Variants in HSP90AA1 observed in about 807,000 individuals in gnomAD.
The protein encoded by HSP90AA1 is heat shock protein 90 alpha family class A member 1, also known as heat shock protein HSP 90-alpha.
Under a neutral mutation model 73.3 loss-of-function variants are expected in HSP90AA1, and 18 were observed. The ratio of observed to expected loss-of-function variants is 0.25; its 90% confidence interval spans 0.17 to 0.36. The LOEUF (loss-of-function observed/expected upper bound fraction) is 0.36, where lower values mean the gene tolerates loss of function less well. HSP90AA1 is among the 10% of genes least tolerant of loss of function. HSP90AA1 has a pLI of 1.00. For missense variants in HSP90AA1, 704 were observed against 874.2 expected (o/e 0.81, Z 2.45); for synonymous variants, 477 against 296.9 (o/e 1.61, Z -6.24).
chr14:102,112,002 C>G (rs1248922200), intron 1 of HSP90AA1, among the ~76,000 whole-genome samples: 1 of 152,134 alleles, frequency 6.6e-6, no homozygotes, highest in Non-Finnish European at 1.5e-5. Context: ...AGTGATGTAC[C>G]TTGGTATAGA....
intron 1 of HSP90AA1, among the ~76,000 whole-genome samples, chr14:102,110,683 C>T (rs1033398594): frequency 6.7e-6 from 1 of 149,260 alleles, no homozygotes; most frequent in African/African-American, 2.4e-5. Flanking sequence ...GGGTTCACGC[C>T]ATTCTCCTGC....
chr14:102,084,474 TTTTC>T lies in HSP90AA1; in HGVS notation c.1068_1071del (p.Lys357ArgfsTer20), dbSNP rs760842848. The T allele has an allele frequency of 4.3e-6, 7 of 1,613,988 alleles. No homozygotes were observed. The highest frequency in any genetic ancestry group is 1.1e-5 in the South Asian group (1 of 91,074). ...CGTACATACAATTTGATGTTGTTCT[TTTTC>T]TTTCTGTTTTCAAACAGATCAAAAG... On this transcript the variant is annotated frameshift_variant, in exon 6 of 11. Transcript: ENST00000216281. LOFTEE classifies it high-confidence loss of function.
upstream of HSP90AA1, chr14:102,087,050 G>C (rs556338621): frequency 3.0e-6 from 3 of 985,336 alleles, no homozygotes; most frequent in Middle Eastern, 1.0e-3. Context: ...CAACTGACGC[G>C]CCACCCCCGC....
Position 102,080,790 on chromosome 14 carries a change from A to G in HSP90AA1, c.*922T>C. 4.5e-6 allele frequency: 1 copy of G among 221,712 alleles called. No individual in the cohort carries two copies. Among genetic ancestry groups the G allele is most frequent in the Non-Finnish European group, 9.0e-6 (1 of 110,690 alleles). The allele number at this position is 221,712 out of a possible 1,614,324, so 13.7% of individuals were successfully genotyped here. ...TTAACACAGAAGGTATTCCATGAAT[A>G]ACATCAAAACAACGTGGACACTAAG... On this transcript the variant is annotated 3_prime_UTR_variant, in exon 11 of 11. Transcript: ENST00000216281.
At chr14:102,085,048 C>T (rs769099127) in intron 4 of HSP90AA1, 50 bp from the exon 5 acceptor site, 2 of 1,613,670 alleles carry the variant, frequency 1.2e-6, no homozygotes, top group Non-Finnish European at 1.7e-6. Context: ...CAGAACTAAG[C>T]GACAGCGCTG....
chr14:102,084,667 C>G lies in HSP90AA1; in HGVS notation c.981+14G>C, dbSNP rs1162381869. ...AATCTAAGGACAAGCTTGAAGCACC[C>G]ATCAGTCACTCACCTTCACTGCCAA... On this transcript the variant is annotated intron_variant, in intron 5 of 10. Transcript: ENST00000216281. The G allele has an allele frequency of 5.0e-6, 8 of 1,613,776 alleles. No homozygotes were observed. The highest frequency in any genetic ancestry group is 4.0e-5 in the African/African-American group (3 of 74,890).
chr14:102,117,372 AC>A (rs1186257707), intron 1 of HSP90AA1, among the ~76,000 whole-genome samples: 4 of 151,954 alleles, frequency 2.6e-5, no homozygotes, highest in African/African-American at 9.7e-5. Context: ...ACTTATGGCC[AC>A]CCATGGACCA....
In HSP90AA1 at chr14:102,083,806, G is replaced by C. The variant is rs767150173; in HGVS notation, c.1325C>G (p.Ser442Cys). 2.5e-6 allele frequency: 4 copies of C among 1,611,002 alleles called. No individual in the cohort carries two copies. In the Admixed American group the frequency reaches 5.0e-5, roughly 20 times the overall value. The change falls in exon 7 of 11, where the codon TCT (serine) becomes TGT (cysteine). Residue 442 changes from serine to cysteine, a missense_variant. Ser to Cys is a moderately radical substitution (Grantham distance 112). Coordinates refer to ENST00000216281, the MANE Select transcript of HSP90AA1 (RefSeq NM_005348.4). ...ATTTACACCAACCTTTATGTTTTTA[G>C]AGAACTGCTCATAGAATTTCTTGTA... ...ENYKKFYEQF[S>C]KNIKLGIHED...
chr14:102,084,292 C>T (rs2049169637), intron 6 of HSP90AA1, 107 bp downstream of exon 6: 3 of 1,039,496 alleles, frequency 2.9e-6, no homozygotes, highest in African/African-American at 3.1e-5. Flanking sequence ...GTGATCTGCC[C>T]ACCCCGGCCT....
At chr14:102,113,685 A>T (rs1018614828) in intron 1 of HSP90AA1, among the ~76,000 whole-genome samples, 1 of 150,468 alleles carries the variant, frequency 6.6e-6, no homozygotes, top group Non-Finnish European at 1.5e-5. Context: ...AGGCATACTC[A>T]TTTATTTTAT....
intron 8 of HSP90AA1, 26 bp from the exon 9 acceptor site, chr14:102,083,328 G>C: frequency 6.2e-7 from 1 of 1,613,212 alleles, no homozygotes; most frequent in East Asian, 2.2e-5. Flanking sequence ...GTTACTTTTA[G>C]ACCTTTTAAC....
chr14:102,133,485 CTTTTTT>C (rs34704566), intron 1 of HSP90AA1, among the ~76,000 whole-genome samples: 1 of 134,310 alleles, frequency 7.4e-6, no homozygotes, highest in African/African-American at 2.8e-5. Flanking sequence ...TAAACTAGTT[CTTTTTT>C]TTTTTTTTTG....
intron 2 of HSP90AA1, among the ~76,000 whole-genome samples, chr14:102,096,325 C>T (rs1254417515): frequency 3.9e-5 from 6 of 152,134 alleles, no homozygotes. Context: ...ATTCTCTCGC[C>T]CCTCCCTCCA....
At position 102,082,898 on chromosome 14, in the gene HSP90AA1, C is replaced by A. The variant is rs568499795; in HGVS notation, c.1755+136G>T. The A allele has an allele frequency of 1.7e-4, 154 of 892,588 alleles. No individual in the cohort carries two copies. In the South Asian group the frequency reaches 2.0e-3, roughly 12 times the overall value. The allele number at this position is 892,588 out of a possible 1,614,324, so 55.3% of individuals were successfully genotyped here. A position where few individuals can be genotyped will look rare whatever the true frequency, so the allele number is the denominator to read the frequency against. ...CCTCCCAAAGTGCTGGGATTGCAGG[C>A]GTGAGCCACCGCGCCCAGCCACACA... On this transcript the variant is annotated intron_variant, in intron 9 of 10. Coordinates refer to ENST00000216281, the MANE Select transcript of HSP90AA1 (RefSeq NM_005348.4).
chr14:102,083,048 T>C lies in HSP90AA1; in HGVS notation c.1741A>G (p.Lys581Glu), dbSNP rs2049136285. 6.2e-7 allele frequency: 1 copy of C among 1,613,854 alleles called. No homozygotes were observed. Among genetic ancestry groups the C allele is most frequent in the South Asian group, 1.1e-5 (1 of 91,080 alleles). Residue 581 changes from lysine (K) to glutamate (E), a missense_variant, in exon 9 of 11, where the codon AAA becomes GAA. Lys to Glu is a moderately conservative substitution (Grantham distance 56, BLOSUM62 1). Transcript: ENST00000216281. ...TATTCACATACCTTTTCAACTTTTT[T>C]CTCCAATATGTCTTTCATGATTTTG... Reference protein sequence around the residue: ...LCKIMKDILEKKVEKVVVSNR... With the variant: ...LCKIMKDILEEKVEKVVVSNR...
chr14:102,110,228 C>T (rs770486905), intron 1 of HSP90AA1, among the ~76,000 whole-genome samples: 8 of 152,048 alleles, frequency 5.3e-5, no homozygotes, highest in African/African-American at 1.4e-4. Flanking sequence ...CCACCGCACC[C>T]GGCTGACTCA....
chr14:102,124,223 A>T (rs1453713237), intron 1 of HSP90AA1, among the ~76,000 whole-genome samples: 6 of 113,984 alleles, frequency 5.3e-5, no homozygotes, highest in African/African-American at 2.0e-4. Context: ...ATGGAGTTCC[A>T]CTTTGTCTCC....
At chr14:102,085,688 C>T (rs2049213335) in intron 3 of HSP90AA1, 70 bp downstream of exon 3, 1 of 1,601,188 alleles carries the variant, frequency 6.2e-7, no homozygotes, top group Non-Finnish European at 8.6e-7. Flanking sequence ...ACCGCATCCC[C>T]AGGGGTCCAA....
intron 2 of HSP90AA1, among the ~76,000 whole-genome samples, chr14:102,096,364 T>C (rs1240732614): frequency 6.6e-6 from 1 of 152,004 alleles, no homozygotes; most frequent in Admixed American, 6.6e-5. Flanking sequence ...TCCTGCTAAG[T>C]GCACTCAGGG....
Sources: allele counts gnomAD v4.1 joint callset (sites outside exome capture counted in the v4.1 genomes callset), GRCh38; gene constraint gnomAD v4.1.1; transcripts MANE v1.5; gene names NCBI Gene and HGNC (gene_info 2026-07-23, HGNC 2026-07-21).